Variants in CABP1 observed in about 807,000 individuals in gnomAD.
CABP1 encodes the protein calcium binding protein 1.
In CABP1, 17 loss-of-function variants were observed where a neutral mutation model predicts 34.3. The observed-to-expected ratio is 0.50, with a 90% CI of 0.34 to 0.74. The LOEUF is 0.74. Among genes scored for constraint, CABP1 ranks in the 30% least tolerant of loss-of-function variants. The probability of loss-of-function intolerance (pLI) is 0.01; values close to 1 mark genes in which losing one functional copy is unlikely to be tolerated. For synonymous variants in CABP1, 198 were observed against 229.2 expected (o/e 0.86, Z 1.23); for missense variants, 373 against 511.1 (o/e 0.73, Z 2.61).
At chr12:120,679,307 T>C in the CABP1 span, among the ~76,000 whole-genome samples, 1 of 152,098 alleles carries the variant, frequency 6.6e-6, no homozygotes, top group Non-Finnish European at 1.5e-5. Flanking sequence ...AAAAGAAGTA[T>C]ATTAGATGCC....
At chr12:120,664,035 A>G (rs1004508163) in intron 5 of CABP1, among the ~76,000 whole-genome samples, 2 of 152,200 alleles carry the variant, frequency 1.3e-5, no homozygotes, top group Admixed American at 6.5e-5. Flanking sequence ...GGGAGCGTGG[A>G]TAGTTGGAGA....
rs1432601815 is a variant in CABP1, at chr12:120,641,208, C to A, written c.523C>A (p.Leu175Met). 8.0e-7 allele frequency: 1 copy of A among 1,253,090 alleles called. No homozygotes were observed. The highest frequency in any genetic ancestry group is 1.0e-6 in the Non-Finnish European group (1 of 999,728). 77.6% of individuals were successfully genotyped at this position (1,253,090 alleles called of 1,614,324 possible). A position where few individuals can be genotyped will look rare whatever the true frequency, so the allele number is the denominator to read the frequency against. ...CGGGCGGGATGGGGAGGAACGGGGA[C>A]TGTCCCCGGCGCTCGGCCTCCGGGG... ...ARGRDGEERG[L>M]SPALGLRGSL... Residue 175 changes from leucine (L) to methionine (M), a missense_variant, in exon 1 of 6, where the codon CTG (leucine) becomes ATG (methionine). Around this residue, in one of 4 missense-constraint regions of CABP1, gnomAD observed 121 missense variants for 125.5 expected, o/e 0.96. Transcript: ENST00000316803. The surrounding 1 kb of genome is among the most constrained non-coding windows in gnomAD (Gnocchi z 6.7).
chr12:120,661,484 C>G lies in CABP1; in HGVS notation c.1087+266C>G, dbSNP rs1880629876. 1 of 431,280 alleles carries G rather than the reference C, an allele frequency of 2.3e-6. No homozygotes were observed. The highest frequency in any genetic ancestry group is 2.0e-5 in the African/African-American group (1 of 50,072). 26.7% of individuals were successfully genotyped at this position (431,280 alleles called of 1,614,324 possible). ...TTTATCCATCCATTCATCTACCTAT[C>G]TATCCATCTGTCCACCATCCATCCA... is the stretch of plus-strand genomic sequence containing the variant. On this transcript the variant is annotated intron_variant, in intron 5 of 5. Transcript: ENST00000316803. The surrounding 1 kb of genome is among the most constrained non-coding windows in gnomAD (Gnocchi z 5.1).
At position 120,666,428 on chromosome 12, in the gene CABP1, C is replaced by T. The variant is rs138767259; in HGVS notation, c.1088-447C>T. Among the ~76,000 whole-genome samples, 542 of 141,550 alleles carry T rather than the reference C, an allele frequency of 3.8e-3. 12 individuals are homozygous for T. The highest frequency in any genetic ancestry group is 0.037 in the Admixed American group (503 of 13,446). The allele number at this position is 141,550 out of a possible 152,430, so 92.9% of individuals were successfully genotyped here. On this transcript the variant is annotated intron_variant, in intron 5 of 5. Transcript: ENST00000316803. The stretch of plus-strand genomic sequence containing the variant: ...GGTGGAGGCTTCAGTGAGCTGAGAT[C>T]GCATCACCGCACTCCAGCCTGGGTG...
rs55874841 is a variant in CABP1, at chr12:120,642,995, G to GAAAA, written c.654+1670_654+1673dup. Among the ~76,000 whole-genome samples the GAAAA allele has an allele frequency of 1.3e-4, 9 of 69,506 alleles. 1 individual carries two copies. Among genetic ancestry groups the GAAAA allele is most frequent in the African/African-American group, 4.6e-4 (6 of 13,146 alleles). The allele number at this position is 69,506 out of a possible 152,430, so 45.6% of individuals were successfully genotyped here. On this transcript the variant is annotated intron_variant, in intron 1 of 5. Transcript: ENST00000316803. ...TTGCAGCTGATCTGACTCAGCTCCT[G>GAAAA]AAAAAAAAAAAAAAAAAGAGTCCTT...
At chr12:120,651,783 C>T (rs1418952707) in intron 1 of CABP1, among the ~76,000 whole-genome samples, 1 of 152,186 alleles carries the variant, frequency 6.6e-6, no homozygotes, top group Non-Finnish European at 1.5e-5. Context: ...CTTTGCTGTT[C>T]CTTAGATCCT....
the CABP1 span, among the ~76,000 whole-genome samples, chr12:120,675,300 G>T: frequency 6.6e-6 from 1 of 152,160 alleles, no homozygotes; most frequent in Non-Finnish European, 1.5e-5. Context: ...TGATCCACCC[G>T]CCTCGACCTC....
chr12:120,674,337 A>G, the CABP1 span, among the ~76,000 whole-genome samples: 6 of 152,254 alleles, frequency 3.9e-5, no homozygotes, highest in Non-Finnish European at 7.3e-5. Flanking sequence ...TTGAATGGCT[A>G]TGGCAGAACC....
chr12:120,655,720 C>A, intron 1 of CABP1: 1 of 1,446,980 alleles, frequency 6.9e-7, no homozygotes, highest in South Asian at 1.4e-5. Flanking sequence ...TCTCATTAGG[C>A]TCTGAGTGAA....
intron 1 of CABP1, among the ~76,000 whole-genome samples, chr12:120,654,940 T>C (rs1347438568): frequency 6.6e-6 from 1 of 152,170 alleles, no homozygotes; most frequent in Non-Finnish European, 1.5e-5. Context: ...TCCGGCACTC[T>C]GGGCCAGGCA....
chr12:120,679,869 T>C, the CABP1 span, among the ~76,000 whole-genome samples: 1 of 151,696 alleles, frequency 6.6e-6, no homozygotes, highest in African/African-American at 2.4e-5. Flanking sequence ...TGGCAAATTT[T>C]ATCTTTAAAA....
Position 120,641,372 on chromosome 12 carries a change from GA to G in CABP1, c.654+36del. 8.0e-7 allele frequency: 1 copy of G among 1,255,580 alleles called. No individual in the cohort carries two copies. The allele number at this position is 1,255,580 out of a possible 1,614,324, so 77.8% of individuals were successfully genotyped here. On this transcript the variant is annotated intron_variant, in intron 1 of 5. Transcript: ENST00000316803. This position sits in a 1 kb window ranked among gnomAD's most constrained non-coding sequence, Gnocchi z 6.7. ...CCGCGCCTCCCGTCAGCGCTCCCGG[GA>G]AAGGCGCTCGGGACCCTGCCGGCCG...
chr12:120,650,500 C>T (rs1296424421), intron 1 of CABP1: 5 of 1,543,388 alleles, frequency 3.2e-6, no homozygotes, highest in Non-Finnish European at 3.5e-6. Context: ...CAAGAGAGGG[C>T]TCACATCCGT....
In CABP1 at chr12:120,655,115, G is replaced by A. The variant is rs916337375; in HGVS notation, c.655-4763G>A. Among the ~76,000 whole-genome samples the A allele has an allele frequency of 2.6e-5, 4 of 152,220 alleles. No individual in the cohort carries two copies. In the East Asian group the frequency reaches 7.7e-4, roughly 29 times the overall value. ...GGTTACACTGGGCTGGAGTTAAGTA[G>A]TGCTACCTCTTCAGAGGGGTCACCA... On this transcript the variant is annotated intron_variant, in intron 1 of 5. Transcript: ENST00000316803.
chr12:120,667,984 C>T (rs939080289), downstream of CABP1, among the ~76,000 whole-genome samples: 2 of 152,156 alleles, frequency 1.3e-5, no homozygotes, highest in African/African-American at 4.8e-5. Flanking sequence ...CTTTCTGGAA[C>T]TTTTATACTG....
chr12:120,671,654 T>C (rs1210623492), downstream of CABP1, among the ~76,000 whole-genome samples: 1 of 152,248 alleles, frequency 6.6e-6, no homozygotes, highest in Non-Finnish European at 1.5e-5. Flanking sequence ...GCTGGTGCTA[T>C]GAAGGGCTCA....
Position 120,660,867 on chromosome 12 carries a change from G to A in CABP1, c.939+27G>A. The stretch of plus-strand genomic sequence containing the variant: ...TAACGGACAGAGGCAGGCAGGCATG[G>A]GGCGGCTATTGGAATCCTATCTGCA... On this transcript the variant is annotated intron_variant, in intron 4 of 5. Transcript: ENST00000316803. The surrounding 1 kb of genome is among the most constrained non-coding windows in gnomAD (Gnocchi z 5.0). The A allele has an allele frequency of 2.6e-6, 4 of 1,546,678 alleles. No homozygotes were observed. Among genetic ancestry groups the A allele is most frequent in the Non-Finnish European group, 3.6e-6 (4 of 1,118,596 alleles).
chr12:120,664,039 T>A (rs1440458190), intron 5 of CABP1, among the ~76,000 whole-genome samples: 1 of 152,172 alleles, frequency 6.6e-6, no homozygotes, highest in Admixed American at 6.5e-5. Flanking sequence ...GCGTGGATAG[T>A]TGGAGAGAAG....
intron 1 of CABP1, among the ~76,000 whole-genome samples, chr12:120,651,374 G>A (rs1294219455): frequency 6.6e-6 from 1 of 152,080 alleles, no homozygotes; most frequent in Admixed American, 6.5e-5. Flanking sequence ...TTTTGTTTTT[G>A]CAAAAATTCC....
Sources: allele counts gnomAD v4.1 joint callset (sites outside exome capture counted in the v4.1 genomes callset), GRCh38; gene constraint gnomAD v4.1.1; regional missense constraint gnomAD v4.1.1; non-coding constraint Gnocchi (gnomAD v3.1); transcripts MANE v1.5; gene names NCBI Gene and HGNC (gene_info 2026-07-23, HGNC 2026-07-21).